The following ABCC4 variants were observed in gnomAD, a reference collection of about 807,000 sequenced individuals.
ABCC4 encodes the protein ATP binding cassette subfamily C member 4 (PEL blood group).
In ABCC4, 102 loss-of-function variants were observed where a neutral mutation model predicts 168.5. The observed-to-expected ratio is 0.61, with a 90% confidence interval of 0.52 to 0.71. The LOEUF (loss-of-function observed/expected upper bound fraction) is 0.71. ABCC4 is among the 30% of genes least tolerant of loss of function. The pLI, the probability that ABCC4 is intolerant of heterozygous loss-of-function variation, is 0.00. For synonymous variants in ABCC4, 617 were observed against 590.7 expected (o/e 1.04, Z -0.65); for missense variants, 1,402 against 1,605.8 (o/e 0.87, Z 2.17).
chr13:95,140,708 C>T (rs1324835965), intron 19 of ABCC4, among the ~76,000 whole-genome samples: 1 of 152,172 alleles, frequency 6.6e-6, no homozygotes, highest in East Asian at 1.9e-4. Flanking sequence ...CCAGCTGACA[C>T]GTTTGCAGTT....
intron 19 of ABCC4, among the ~76,000 whole-genome samples, chr13:95,135,153 C>T (rs1236098497): frequency 6.6e-6 from 1 of 152,210 alleles, no homozygotes; most frequent in East Asian, 1.9e-4. Flanking sequence ...ACTCACAATT[C>T]ATTCACTATT....
intron 19 of ABCC4, among the ~76,000 whole-genome samples, chr13:95,143,779 T>C (rs1337561951): frequency 6.6e-6 from 1 of 152,222 alleles, no homozygotes; most frequent in Non-Finnish European, 1.5e-5. Flanking sequence ...CATGCCAATG[T>C]ACTGCTAGAA....
At chr13:95,261,634 A>C (rs149050415) in intron 1 of ABCC4, among the ~76,000 whole-genome samples, 34 of 151,392 alleles carry the variant, frequency 2.2e-4, no homozygotes, top group Middle Eastern at 3.4e-3. Context: ...AAAAAACACA[A>C]AAAAAAGTAA....
At chr13:95,174,458 C>T (rs963974260) in intron 13 of ABCC4, among the ~76,000 whole-genome samples, 1 of 152,196 alleles carries the variant, frequency 6.6e-6, no homozygotes, top group South Asian at 2.1e-4. Flanking sequence ...AAATTGCATT[C>T]GTGCTCCCTG....
chr13:95,267,608 G>A (rs2389229), intron 1 of ABCC4, among the ~76,000 whole-genome samples: 53,709 of 152,096 alleles, frequency 0.35, 11,737 homozygotes, highest in Non-Finnish European at 0.49. Context: ...GTAAGGAGTG[G>A]AGGGGAAGGA....
chr13:95,249,721 T>C (rs952896009), intron 1 of ABCC4, among the ~76,000 whole-genome samples: 2 of 152,160 alleles, frequency 1.3e-5, no homozygotes, highest in African/African-American at 4.8e-5. Context: ...CAGAACCTCA[T>C]ACAGTATATT....
intron 4 of ABCC4, among the ~76,000 whole-genome samples, chr13:95,213,082 G>A (rs1207707807): frequency 1.3e-5 from 2 of 151,222 alleles, no homozygotes; most frequent in African/African-American, 2.4e-5. Context: ...AGCCAAGATC[G>A]TGCCATTACA....
chr13:95,283,389 T>G (rs1455214409), intron 1 of ABCC4, among the ~76,000 whole-genome samples: 7 of 53,648 alleles, frequency 1.3e-4, no homozygotes, highest in Admixed American at 2.5e-4. Context: ...TTTTTTTTTT[T>G]GAGACAGGGT....
chr13:95,055,784 GAGA>G (rs1175967828), intron 26 of ABCC4: 2 of 152,200 alleles, frequency 1.3e-5, no homozygotes, highest in African/African-American at 4.8e-5. Context: ...TCGGGAGGCT[GAGA>G]CAGGAGAATC....
intron 22 of ABCC4, among the ~76,000 whole-genome samples, chr13:95,074,689 A>G (rs920167177): frequency 6.6e-6 from 1 of 152,180 alleles, no homozygotes; most frequent in Non-Finnish European, 1.5e-5. Flanking sequence ...CCAACAGCAG[A>G]GTGCAGCTCC....
At chr13:95,243,195 C>T (rs921401805) in intron 3 of ABCC4, among the ~76,000 whole-genome samples, 1 of 152,202 alleles carries the variant, frequency 6.6e-6, no homozygotes, top group Non-Finnish European at 1.5e-5. Flanking sequence ...AGCCTGCCGC[C>T]CTAATACCTG....
At chr13:95,083,038 T>C (rs2034146507) in intron 21 of ABCC4, 102 bp downstream of exon 21, 1 of 1,317,916 alleles carries the variant, frequency 7.6e-7, no homozygotes, top group African/African-American at 1.5e-5. Flanking sequence ...TTAGAGAAAT[T>C]CTGGAAGACA....
intron 16 of ABCC4, 106 bp from the exon 17 acceptor site, chr13:95,163,753 C>G: frequency 1.1e-6 from 1 of 951,752 alleles, no homozygotes; most frequent in Admixed American, 2.1e-5. Flanking sequence ...CCCTCAAAGC[C>G]GGGCGTGGTG....
intron 4 of ABCC4, among the ~76,000 whole-genome samples, chr13:95,214,688 C>T (rs918471978): frequency 2.6e-5 from 4 of 151,964 alleles, no homozygotes; most frequent in Non-Finnish European, 5.9e-5. Flanking sequence ...GACTTCGAGA[C>T]CAGCCTGGCC....
intron 19 of ABCC4, among the ~76,000 whole-genome samples, chr13:95,126,419 C>G (rs150863655): frequency 6.6e-6 from 1 of 152,170 alleles, no homozygotes; most frequent in Non-Finnish European, 1.5e-5. Flanking sequence ...ATGGAAATTA[C>G]CAGTCAGTGT....
chr13:95,206,364 G>A (rs771044593), intron 8 of ABCC4, among the ~76,000 whole-genome samples, 168 bp downstream of exon 8: 1 of 152,062 alleles, frequency 6.6e-6, no homozygotes, highest in East Asian at 1.9e-4. Context: ...TGTCTTTACC[G>A]CGCTCTATCT....
At chr13:95,072,286 C>T (rs899419168) in intron 24 of ABCC4, among the ~76,000 whole-genome samples, 1 of 152,148 alleles carries the variant, frequency 6.6e-6, no homozygotes, top group African/African-American at 2.4e-5. Context: ...CATGGTGAAA[C>T]CCCATTTCTA....
chr13:95,165,773 G>C (rs923283917), intron 15 of ABCC4, among the ~76,000 whole-genome samples: 3 of 152,176 alleles, frequency 2.0e-5, no homozygotes, highest in African/African-American at 7.2e-5. Flanking sequence ...GTGGCCCACA[G>C]CAGGACTTTC....
intron 25 of ABCC4, among the ~76,000 whole-genome samples, chr13:95,064,250 GT>G (rs2033412625): frequency 1.4e-4 from 1 of 7,324 alleles, no homozygotes; most frequent in Non-Finnish European, 2.3e-4. Context: ...ATCCGGGTGT[GT>G]GTGTGTGTGT....
Sources: gnomAD v4.1 joint callset for allele counts (sites outside exome capture counted in the v4.1 genomes callset) on GRCh38, gnomAD v4.1.1 for gene constraint, MANE v1.5 for transcripts, NCBI Gene and HGNC (gene_info 2026-07-23, HGNC 2026-07-21) for gene names.